INO80E: variants seen among roughly 807,000 people sequenced by gnomAD.
INO80E encodes the protein coiled-coil domain containing 95.
Under a neutral mutation model 27.3 loss-of-function variants are expected in INO80E, and 20 were observed. That is an observed-to-expected ratio of 0.73 (90% CI 0.51 to 1.06). The LOEUF (loss-of-function observed/expected upper bound fraction) is 1.06. Ranked by LOEUF, INO80E falls within the 50% of genes least tolerant of loss-of-function variation. The probability of loss-of-function intolerance (pLI) is 0.00; values close to 1 mark genes in which losing one functional copy is unlikely to be tolerated. For synonymous variants in INO80E, 167 were observed against 145.9 expected (o/e 1.14, Z -1.04); for missense variants, 357 against 322.8 (o/e 1.11, Z -0.81).
chr16:29,996,496 G>A, intron 1 of INO80E, 51 bp from the exon 2 acceptor site: 1 of 1,552,370 alleles, frequency 6.4e-7, no homozygotes, highest in Non-Finnish European at 8.7e-7. Context: ...CTGGTTCCGG[G>A]GCCCTTCACG....
At chr16:30,001,588 G>A in intron 6 of INO80E, 58 bp downstream of exon 6, 1 of 1,532,042 alleles carries the variant, frequency 6.5e-7, no homozygotes, top group Non-Finnish European at 8.9e-7. Context: ...AGTCACCTGA[G>A]GGAGGCTGAA....
intron 3 of INO80E, among the ~76,000 whole-genome samples, chr16:29,997,815 T>A (rs2070191806): frequency 6.8e-6 from 1 of 146,412 alleles, no homozygotes; most frequent in Non-Finnish European, 1.5e-5. Flanking sequence ...GCAGGCAACC[T>A]CTGAATGGAG....
chr16:29,998,416 G>A (rs1296375145), intron 3 of INO80E, among the ~76,000 whole-genome samples: 1 of 152,156 alleles, frequency 6.6e-6, no homozygotes, highest in Non-Finnish European at 1.5e-5. Context: ...GCAGAGGCAT[G>A]AAAGAGAGAG....
rs758814328 is a variant in INO80E at position 30,005,694 on chromosome 16, G to A, written c.*252G>A. ...GCCGGGAGCATCTGCCACCTGCTGG[G>A]GAGGCAGAGACCCTGCAATGGCCAC... On this transcript the variant is annotated 3_prime_UTR_variant, in exon 7 of 7. Transcript: ENST00000563197. 9.1e-6 allele frequency: 5 copies of A among 549,486 alleles called. No individual in the cohort carries two copies. The highest frequency in any genetic ancestry group is 1.6e-5 in the Non-Finnish European group (5 of 315,050). The allele number at this position is 549,486 out of a possible 1,614,324, so 34.0% of individuals were successfully genotyped here.
chr16:29,999,618 G>A (rs751692089), intron 3 of INO80E: 5 of 152,204 alleles, frequency 3.3e-5, no homozygotes, highest in Non-Finnish European at 7.3e-5. Flanking sequence ...TGTAGCAGTC[G>A]TTTGTTCGAT....
In INO80E at chr16:30,005,315, T is replaced by TCCCC; in HGVS notation, c.611_612insCCCC (p.Pro206ThrfsTer3). ...GGGGTCGGGACAACCCTGACCCCCC[T>TCCCC]CCCACCCCCTAAGATGCCCCCCCCC... On this transcript the variant is annotated frameshift_variant, in exon 7 of 7. Transcript: ENST00000563197. LOFTEE classifies it high-confidence loss of function. 1 of 302,356 alleles carries TCCCC rather than the reference T, an allele frequency of 3.3e-6. No homozygotes were observed. The highest frequency in any genetic ancestry group is 4.8e-6 in the Non-Finnish European group (1 of 210,512). The allele number at this position is 302,356 out of a possible 1,614,324, so 18.7% of individuals were successfully genotyped here. A position where few individuals can be genotyped will look rare whatever the true frequency, so the allele number is the denominator to read the frequency against.
At chr16:30,001,649 G>C in intron 6 of INO80E, 119 bp downstream of exon 6, 1 of 883,912 alleles carries the variant, frequency 1.1e-6, no homozygotes, top group East Asian at 2.7e-5. Context: ...GACCCAGTCA[G>C]CACTTAGCAC....
In INO80E at chr16:30,001,037, C is replaced by G; in HGVS notation, c.393C>G (p.Ser131Arg). The G allele has an allele frequency of 1.3e-6, 2 of 1,542,450 alleles. No homozygotes were observed. Among genetic ancestry groups the G allele is most frequent in the Non-Finnish European group, 1.7e-6 (2 of 1,143,706 alleles). ...CCGGGGTCCCCTCCCCATACCTGAG[C>G]TCGGTGAGTTGGGGTCAGGGATGGG... ...QASGVPSPYLSSLASSRYPPF... is the reference protein window; with the variant it reads ...QASGVPSPYLRSLASSRYPPF... The change falls in exon 5 of 7, where the codon AGC (serine) becomes AGG (arginine). Residue 131 changes from serine to arginine, a missense_variant. Physicochemically the swap from Ser to Arg is moderately radical, Grantham distance 110. Transcript: ENST00000563197.
chr16:30,000,903 C>T (rs1353057027), intron 4 of INO80E, 26 bp from the exon 5 acceptor site: 13 of 1,611,032 alleles, frequency 8.1e-6, no homozygotes, highest in Non-Finnish European at 1.1e-5. Context: ...CTAGCCACAT[C>T]TGACCTCGCC....
At chr16:30,002,007 C>T in intron 6 of INO80E, 1 of 156,090 alleles carries the variant, frequency 6.4e-6, no homozygotes, top group South Asian at 2.0e-4. Flanking sequence ...CCTCCTGTTA[C>T]ACGGCAGTGC....
chr16:30,005,137 G>A (rs1596687917), intron 6 of INO80E, 84 bp from the exon 7 acceptor site: 1 of 1,388,796 alleles, frequency 7.2e-7, no homozygotes, highest in Non-Finnish European at 9.4e-7. Context: ...CCTCCCCAGA[G>A]CTGCCCTGGG....
rs752209937 is a variant in INO80E at position 29,996,538 on chromosome 16, G to C, written c.82-9G>C. 29 of 1,561,692 alleles carry C rather than the reference G, an allele frequency of 1.9e-5. No individual in the cohort carries two copies. The highest frequency in any genetic ancestry group is 2.4e-5 in the Non-Finnish European group (28 of 1,152,890). ...CGTTGGCCCAGCGCACCCCTTGCCC[G>C]TGATACAGGAGCACGAGTGCTTCCA... On this transcript the variant is annotated splice_polypyrimidine_tract_variant and intron_variant, in intron 1 of 6. Transcript: ENST00000563197.
Position 30,001,085 on chromosome 16 carries a change from C to T in INO80E, c.396+45C>T, listed in dbSNP as rs1470301813. ...GGGAAGTGCTTGGGAGTAAGGTGGG[C>T]GTCATTTGGGCAGAAGGGCTGGGCC... On this transcript the variant is annotated intron_variant, in intron 5 of 6. Transcript: ENST00000563197. 12 of 1,502,258 alleles carry T rather than the reference C, an allele frequency of 8.0e-6. No individual in the cohort carries two copies. In the Admixed American group the frequency reaches 8.9e-5, roughly 11 times the overall value. The allele number at this position is 1,502,258 out of a possible 1,614,324, so 93.1% of individuals were successfully genotyped here.
rs777384606 is a variant in INO80E at position 29,996,552 on chromosome 16, C to T, written c.87C>T (p.His29=). ...ACCCCTTGCCCGTGATACAGGAGCA[C>T]GAGTGCTTCCAGGAGGAGCTGAGGA... ...KRKLKFLIYE[H]ECFQEELRKA... Residue 29 remains histidine, a synonymous_variant, in exon 2 of 7, where the codon CAC becomes CAT. Transcript: ENST00000563197. The T allele has an allele frequency of 5.8e-6, 9 of 1,565,072 alleles. No homozygotes were observed. Among genetic ancestry groups the T allele is most frequent in the Non-Finnish European group, 7.8e-6 (9 of 1,154,802 alleles).
intron 5 of INO80E, 152 bp downstream of exon 5, chr16:30,001,192 C>A: frequency 6.8e-7 from 1 of 1,475,390 alleles, no homozygotes; most frequent in South Asian, 1.4e-5. Context: ...GTCGGGGCTG[C>A]CCCCTTCTCT....
At chr16:29,998,107 C>A (rs1171084594) in intron 3 of INO80E, among the ~76,000 whole-genome samples, 1 of 152,112 alleles carries the variant, frequency 6.6e-6, no homozygotes, top group South Asian at 2.1e-4. Flanking sequence ...CTGGCTAACA[C>A]AGTGAAACCC....
Position 30,005,768 on chromosome 16 carries a change from C to T in INO80E, c.*326C>T, listed in dbSNP as rs2070560608. 4.2e-6 allele frequency: 2 copies of T among 473,298 alleles called. No homozygotes were observed. Among genetic ancestry groups the T allele is most frequent in the Non-Finnish European group, 7.5e-6 (2 of 266,770 alleles). 29.3% of individuals were successfully genotyped at this position (473,298 alleles called of 1,614,324 possible). ...GGGCTAGGTTTTTTCAATGAAGTTT[C>T]TGTATTAAAGGAGTGGCTCTGGGTT... On this transcript the variant is annotated 3_prime_UTR_variant, in exon 7 of 7. Coordinates refer to ENST00000563197, the MANE Select transcript of INO80E (RefSeq NM_173618.3).
Position 29,996,553 on chromosome 16 carries a change from G to T in INO80E, c.88G>T (p.Glu30Ter). 1 of 1,565,596 alleles carries T rather than the reference G, an allele frequency of 6.4e-7. No homozygotes were observed. Among genetic ancestry groups the T allele is most frequent in the Non-Finnish European group, 8.7e-7 (1 of 1,155,094 alleles). The change falls in exon 2 of 7, where the codon GAG becomes TAG. Residue 30 changes from glutamate (E) to a stop codon, truncating the protein, a stop_gained. Coordinates refer to ENST00000563197, the MANE Select transcript of INO80E (RefSeq NM_173618.3). LOFTEE classifies it high-confidence loss of function. ...CCCCTTGCCCGTGATACAGGAGCACGAGTGCTTCCAGGAGGAGCTGAGGAA... is the reference window on the plus strand; with the variant it reads ...CCCCTTGCCCGTGATACAGGAGCACTAGTGCTTCCAGGAGGAGCTGAGGAA... ...RKLKFLIYEH[E>*]CFQEELRKAQ...
At chr16:29,999,068 T>C (rs1468434388) in intron 3 of INO80E, among the ~76,000 whole-genome samples, 2 of 149,334 alleles carry the variant, frequency 1.3e-5, no homozygotes, top group Non-Finnish European at 3.0e-5. Context: ...AGCACATTGG[T>C]CTGAGGCAGG....
Sources: allele counts gnomAD v4.1 joint callset (sites outside exome capture counted in the v4.1 genomes callset), GRCh38; gene constraint gnomAD v4.1.1; transcripts MANE v1.5; gene names NCBI Gene and HGNC (gene_info 2026-07-23, HGNC 2026-07-21).